The following CACNB2 variants were observed in gnomAD, a reference collection of about 807,000 sequenced individuals.
CACNB2 encodes voltage-dependent L-type calcium channel subunit beta-2.
A neutral mutation model predicts 73.3 loss-of-function variants in CACNB2; 42 were observed. That is an observed-to-expected ratio of 0.57 (90% CI 0.45 to 0.74). The LOEUF (loss-of-function observed/expected upper bound fraction) is 0.74, where lower values mean the gene tolerates loss of function less well. Ranked by LOEUF, CACNB2 falls within the 30% of genes least tolerant of loss-of-function variation. CACNB2 has a pLI of 0.00. For synonymous variants in CACNB2, 348 were observed against 310.3 expected (o/e 1.12, Z -1.28); for missense variants, 940 against 853.0 (o/e 1.10, Z -1.27).
chr10:18,361,510 A>AG (rs2042138224), intron 2 of CACNB2, among the ~76,000 whole-genome samples: 1 of 151,330 alleles, frequency 6.6e-6, no homozygotes, highest in Non-Finnish European at 1.5e-5. Flanking sequence ...AAAAAAAAAA[A>AG]AAGAAAGAAA....
At chr10:18,380,173 T>C (rs560493399) in intron 2 of CACNB2, among the ~76,000 whole-genome samples, 30 of 152,164 alleles carry the variant, frequency 2.0e-4, no homozygotes, top group Non-Finnish European at 3.8e-4. Context: ...TTCAATCAGG[T>C]TAAAGGTCAT....
intron 6 of CACNB2, 53 bp downstream of exon 6, chr10:18,506,600 A>G (rs2050501440): frequency 5.4e-6 from 6 of 1,117,020 alleles, no homozygotes; most frequent in South Asian, 2.5e-5. Context: ...TGCTTTCCCC[A>G]GCTCTATCCA....
rs756721525 is a variant in CACNB2, at chr10:18,315,499, TAA to T, written c.214-86397_214-86396del. On this transcript the variant is annotated intron_variant, in intron 2 of 13. Coordinates refer to ENST00000324631, the MANE Select transcript of CACNB2 (RefSeq NM_201596.3). Reference sequence around the variant, plus strand: ...AGCAAAAAGAGACCTTGTCTCTATTTAAAAAAAAAAAAAAAAAAAAAAAAAAA... The same window carrying T: ...AGCAAAAAGAGACCTTGTCTCTATTTAAAAAAAAAAAAAAAAAAAAAAAAA... 2.4e-3 allele frequency among the ~76,000 whole-genome samples: 95 copies of T among 39,514 alleles called. 1 individual carries two copies. Among genetic ancestry groups the T allele is most frequent in the African/African-American group, 9.0e-3 (91 of 10,110 alleles). 25.9% of individuals were successfully genotyped at this position (39,514 alleles called of 152,430 possible).
chr10:18,453,413 A>G (rs1187525194), intron 3 of CACNB2, among the ~76,000 whole-genome samples: 1 of 152,034 alleles, frequency 6.6e-6, no homozygotes, highest in Non-Finnish European at 1.5e-5. Flanking sequence ...GTCTCCCTCC[A>G]TCGCCTCCAC....
intron 3 of CACNB2, among the ~76,000 whole-genome samples, chr10:18,436,983 C>T (rs140921516): frequency 1.3e-5 from 2 of 152,230 alleles, no homozygotes; most frequent in Non-Finnish European, 2.9e-5. Flanking sequence ...GTGCTGCTTG[C>T]TGGAGATACA....
chr10:18,241,093 T>C (rs1201209018), intron 2 of CACNB2, among the ~76,000 whole-genome samples: 1 of 152,192 alleles, frequency 6.6e-6, no homozygotes, highest in Non-Finnish European at 1.5e-5. Context: ...ATGCAACCAT[T>C]TGTCTCTGAG....
At chr10:18,251,621 C>T (rs1291930255) in intron 2 of CACNB2, among the ~76,000 whole-genome samples, 2 of 152,178 alleles carry the variant, frequency 1.3e-5, no homozygotes, top group East Asian at 3.9e-4. Context: ...AAAGAACTAC[C>T]TGAGACTGGG....
chr10:18,184,323 G>T (rs1411020064), intron 2 of CACNB2, among the ~76,000 whole-genome samples: 1 of 152,170 alleles, frequency 6.6e-6, no homozygotes. Flanking sequence ...AAACAGAAAA[G>T]GAAATGAAAA....
chr10:18,198,652 C>T lies in CACNB2; in HGVS notation c.213+47677C>T, dbSNP rs117244363. On this transcript the variant is annotated intron_variant, in intron 2 of 13. Transcript: ENST00000324631. ...GTTCTTGCAGATTCATCTTCCAACCCTCTTGGAAAGTAAAGCTGGGTTTTG... is the reference window on the plus strand; with the variant it reads ...GTTCTTGCAGATTCATCTTCCAACCTTCTTGGAAAGTAAAGCTGGGTTTTG... Among the ~76,000 whole-genome samples the T allele has an allele frequency of 3.3e-3, 504 of 152,320 alleles. 8 individuals are homozygous for T. The East Asian group carries it at 0.059, about 18-fold the overall frequency.
intron 2 of CACNB2, among the ~76,000 whole-genome samples, chr10:18,332,299 G>C (rs555970146): frequency 6.6e-6 from 1 of 152,266 alleles, no homozygotes; most frequent in South Asian, 2.1e-4. Flanking sequence ...TTGGATTTGC[G>C]AAATACTTTG....
At chr10:18,367,208 TA>T (rs750187488) in intron 2 of CACNB2, among the ~76,000 whole-genome samples, 1 of 96,144 alleles carries the variant, frequency 1.0e-5, no homozygotes, top group Non-Finnish European at 2.1e-5. Flanking sequence ...AAACAAATAG[TA>T]TTTTTTTTTT....
chr10:18,325,689 C>CCCTTCCTT (rs1355342877), intron 2 of CACNB2, among the ~76,000 whole-genome samples: 72 of 89,142 alleles, frequency 8.1e-4, no homozygotes, highest in Non-Finnish European at 1.1e-3. Context: ...CTCCCTCCCT[C>CCCTTCCTT]CCTTCCTTCC....
chr10:18,191,020 T>C (rs2034371644), intron 2 of CACNB2, among the ~76,000 whole-genome samples: 1 of 152,158 alleles, frequency 6.6e-6, no homozygotes, highest in South Asian at 2.1e-4. Context: ...AAGCTGTGAA[T>C]AGGCTGCCTT....
rs142924537 is a variant in CACNB2, at chr10:18,509,427, C to CCA, written c.670+2888_670+2889dup. Among the ~76,000 whole-genome samples the CCA allele has an allele frequency of 6.5e-3, 986 of 152,258 alleles. 16 individuals carry two copies. The highest frequency in any genetic ancestry group is 0.023 in the African/African-American group (953 of 41,540). ...CAGTTGCAGAATACATACATCGCACCCACACACACGTGTGTACATATGTGT... is the reference window on the plus strand; with the variant it reads ...CAGTTGCAGAATACATACATCGCACCCACACACACACGTGTGTACATATGTGT... On this transcript the variant is annotated intron_variant, in intron 6 of 13. Transcript: ENST00000324631.
intron 3 of CACNB2, among the ~76,000 whole-genome samples, chr10:18,464,106 G>A (rs148853082): frequency 6.6e-6 from 1 of 151,564 alleles, no homozygotes; most frequent in Non-Finnish European, 1.5e-5. Flanking sequence ...AACTTGACAT[G>A]TTCTCTGCTC....
At chr10:18,388,910 G>C (rs556966705) in intron 2 of CACNB2, among the ~76,000 whole-genome samples, 1 of 152,140 alleles carries the variant, frequency 6.6e-6, no homozygotes, top group Non-Finnish European at 1.5e-5. Flanking sequence ...CCTGGTCCTT[G>C]CCTCCCTTCC....
intron 2 of CACNB2, among the ~76,000 whole-genome samples, chr10:18,211,601 T>C (rs2035318956): frequency 6.6e-6 from 1 of 152,188 alleles, no homozygotes; most frequent in South Asian, 2.1e-4. Flanking sequence ...CACGTGTATC[T>C]CTTTAAGCAA....
intron 2 of CACNB2, among the ~76,000 whole-genome samples, chr10:18,215,104 C>T (rs2035460828): frequency 3.5e-5 from 1 of 28,620 alleles, no homozygotes; most frequent in Non-Finnish European, 7.9e-5. Flanking sequence ...AATACTGAGA[C>T]TTTTTCCCTT....
intron 2 of CACNB2, among the ~76,000 whole-genome samples, chr10:18,265,495 C>G (rs536065125): frequency 6.6e-6 from 1 of 152,154 alleles, no homozygotes; most frequent in Admixed American, 6.5e-5. Context: ...CTTAGGTTAT[C>G]TGTCTTTTCA....
Sources: allele counts gnomAD v4.1 joint callset (sites outside exome capture counted in the v4.1 genomes callset), GRCh38; gene constraint gnomAD v4.1.1; transcripts MANE v1.5; gene names NCBI Gene and HGNC (gene_info 2026-07-23, HGNC 2026-07-21).